Variants in AP4E1 observed in about 807,000 individuals in gnomAD.
AP4E1 encodes adaptor related protein complex 4 subunit epsilon 1.
A neutral mutation model predicts 128.2 loss-of-function variants in AP4E1; 56 were observed. That is an observed-to-expected ratio of 0.44 (90% CI 0.35 to 0.55). The LOEUF is 0.55. Ranked by LOEUF, AP4E1 falls within the 20% of genes least tolerant of loss-of-function variation. The pLI is 0.00. For synonymous variants in AP4E1, 484 were observed against 473.1 expected (o/e 1.02, Z -0.30); for missense variants, 1,324 against 1,307.7 (o/e 1.01, Z -0.19).
At chr15:50,984,958 C>T (rs1362421853) in intron 16 of AP4E1, among the ~76,000 whole-genome samples, 4 of 152,152 alleles carry the variant, frequency 2.6e-5, no homozygotes, top group Admixed American at 6.5e-5. Context: ...TCCACATCCT[C>T]TCCAGCACCT....
intron 16 of AP4E1, 113 bp from the exon 17 acceptor site, chr15:50,993,257 T>G: frequency 1.8e-6 from 2 of 1,094,656 alleles, no homozygotes; most frequent in South Asian, 2.8e-5. Flanking sequence ...GAATATAATG[T>G]GACAGTTGTT....
At chr15:50,912,671 T>G (rs1024295550) in intron 2 of AP4E1, among the ~76,000 whole-genome samples, 13 of 130,170 alleles carry the variant, frequency 1.0e-4, no homozygotes, top group African/African-American at 3.7e-4. Context: ...TTTTTTTTTT[T>G]TTTTGAGACG....
In AP4E1 at chr15:50,997,352, C is replaced by A. The variant is rs1322337659; in HGVS notation, c.2373C>A (p.His791Gln). 1.2e-6 allele frequency: 2 copies of A among 1,601,568 alleles called. No homozygotes were observed. The highest frequency in any genetic ancestry group is 2.3e-5 in the South Asian group (2 of 87,666). The stretch of plus-strand genomic sequence containing the variant: ...TGGGAAAAGCAGATACTGTCTCTCA[C>A]AAGTTCAGAAGGAAATCAAAAGTCA... ...NLLGKADTVS[H>Q]KFRRKSKVKE... is the part of the protein sequence containing the mutation. Residue 791 changes from histidine (H) to glutamine (Q), a missense_variant, in exon 18 of 21, where the codon CAC (histidine) becomes CAA (glutamine). Coordinates refer to ENST00000261842, the MANE Select transcript of AP4E1 (RefSeq NM_007347.5).
At chr15:50,924,069 G>A (rs1161704455) in intron 4 of AP4E1, 65 bp downstream of exon 4, 37 of 1,333,804 alleles carry the variant, frequency 2.8e-5, no homozygotes, top group Middle Eastern at 1.8e-4. Context: ...ATTTCTCCTC[G>A]ATCATATTCA....
rs1394193050 is a variant in AP4E1, at chr15:50,985,135, A to G, written c.2090+990A>G. Among the ~76,000 whole-genome samples the G allele has an allele frequency of 3.3e-5, 5 of 151,884 alleles. No individual in the cohort carries two copies. The South Asian group carries it at 1.0e-3, about 32-fold the overall frequency. ...TGAGAAGTGTCTGTTCATATCCTTC[A>G]CCCACTTTTTGATGGGGTTGTTTGT... On this transcript the variant is annotated intron_variant, in intron 16 of 20. Coordinates refer to ENST00000261842, the MANE Select transcript of AP4E1 (RefSeq NM_007347.5).
At chr15:50,911,745 T>C (rs560218998) in intron 1 of AP4E1, among the ~76,000 whole-genome samples, 1 of 152,286 alleles carries the variant, frequency 6.6e-6, no homozygotes, top group African/African-American at 2.4e-5. Context: ...CCCAAAGTGC[T>C]GGGATTACAG....
At position 51,002,678 on chromosome 15, in the gene AP4E1, A is replaced by G; in HGVS notation, c.*16A>G. On this transcript the variant is annotated 3_prime_UTR_variant, in exon 21 of 21. Coordinates refer to ENST00000261842, the MANE Select transcript of AP4E1 (RefSeq NM_007347.5). ...GGGATCCTAGCAGAAGCCCTGCTAA[A>G]TTTTACTCCATCAAGATCAATGGTT... 6.2e-7 allele frequency: 1 copy of G among 1,613,774 alleles called. No homozygotes were observed.
chr15:50,979,547 C>A (rs540063988), intron 15 of AP4E1, among the ~76,000 whole-genome samples: 1 of 151,954 alleles, frequency 6.6e-6, no homozygotes, highest in African/African-American at 2.4e-5. Context: ...TTTTTTGAGG[C>A]GGAGTTTCAC....
At chr15:50,962,756 T>A (rs1362220186) in intron 14 of AP4E1, among the ~76,000 whole-genome samples, 1 of 151,742 alleles carries the variant, frequency 6.6e-6, no homozygotes, top group Non-Finnish European at 1.5e-5. Flanking sequence ...CAAATGGGAC[T>A]GTATTAAGGT....
At chr15:50,965,172 C>T (rs2140889003) in intron 14 of AP4E1, among the ~76,000 whole-genome samples, 1 of 152,142 alleles carries the variant, frequency 6.6e-6, no homozygotes. Context: ...TTATAAATTA[C>T]CCAGTCTCAA....
At chr15:50,915,670 A>C in intron 3 of AP4E1, 99 bp downstream of exon 3, 1 of 1,358,142 alleles carries the variant, frequency 7.4e-7, no homozygotes, top group Non-Finnish European at 1.0e-6. Flanking sequence ...ATGTTTTTAG[A>C]ATACTGTATT....
At chr15:51,002,310 T>C (rs2064973659) in intron 20 of AP4E1, among the ~76,000 whole-genome samples, 192 bp from the exon 21 acceptor site, 1 of 152,222 alleles carries the variant, frequency 6.6e-6, no homozygotes, top group Admixed American at 6.5e-5. Flanking sequence ...ATCTGTTTTT[T>C]TCTTTAATAT....
intron 11 of AP4E1, 87 bp downstream of exon 11, chr15:50,948,246 G>A: frequency 6.7e-7 from 1 of 1,500,222 alleles, no homozygotes; most frequent in Non-Finnish European, 9.2e-7. Flanking sequence ...TCACTTGCAA[G>A]TCGAGTTCAG....
At chr15:50,933,154 C>G (rs1252918503) in intron 7 of AP4E1, among the ~76,000 whole-genome samples, 1 of 152,134 alleles carries the variant, frequency 6.6e-6, no homozygotes, top group Non-Finnish European at 1.5e-5. Context: ...CTTCACAGCA[C>G]TCAGGTGACC....
Position 50,929,038 on chromosome 15 carries a change from C to T in AP4E1, c.572C>T (p.Ala191Val). ...ATTGTACGAAGAAAAGCTGTTCTGG[C>T]ATTATACAAATTCCATCTCATTGCT... is the stretch of plus-strand genomic sequence containing the variant. Reference protein sequence around the residue: ...KEIVRRKAVLALYKFHLIAPN... With the variant: ...KEIVRRKAVLVLYKFHLIAPN... Residue 191 changes from alanine (A) to valine (V), a missense_variant, in exon 6 of 21, where the codon GCA becomes GTA. Physicochemically the swap from Ala to Val is moderately conservative, Grantham distance 64 (BLOSUM62 0). Transcript: ENST00000261842. The T allele has an allele frequency of 6.2e-7, 1 of 1,613,762 alleles. No individual in the cohort carries two copies. Among genetic ancestry groups the T allele is most frequent in the Non-Finnish European group, 8.5e-7 (1 of 1,179,854 alleles).
intron 10 of AP4E1, 53 bp downstream of exon 10, chr15:50,941,828 T>C (rs1434438146): frequency 7.3e-7 from 1 of 1,375,150 alleles, no homozygotes; most frequent in East Asian, 2.4e-5. Context: ...TTTAAAAATT[T>C]TGTTGGCATT....
intron 3 of AP4E1, among the ~76,000 whole-genome samples, chr15:50,919,148 T>A (rs2063663819): frequency 6.6e-6 from 1 of 152,036 alleles, no homozygotes; most frequent in African/African-American, 2.4e-5. Flanking sequence ...GAGAATCGCT[T>A]GAACCTGGGA....
chr15:50,942,684 T>TTA (rs1431693679), intron 10 of AP4E1, among the ~76,000 whole-genome samples: 1 of 148,220 alleles, frequency 6.7e-6, no homozygotes, highest in Non-Finnish European at 1.5e-5. Flanking sequence ...ATATATATAA[T>TTA]TATATATATT....
rs145236100 is a variant in AP4E1 at position 50,988,439 on chromosome 15, C to T, written c.2090+4294C>T. On this transcript the variant is annotated intron_variant, in intron 16 of 20. Transcript: ENST00000261842. Reference sequence around the variant, plus strand: ...AGGCAATTCTCCTGCCTCAGCCTTCCGAGTAGCTGGGATTACAGGCTCCTG... The same window carrying T: ...AGGCAATTCTCCTGCCTCAGCCTTCTGAGTAGCTGGGATTACAGGCTCCTG... Among the ~76,000 whole-genome samples the T allele has an allele frequency of 2.2e-3, 338 of 152,148 alleles. 2 individuals carry two copies. The highest frequency in any genetic ancestry group is 7.9e-3 in the African/African-American group (326 of 41,514).
Sources: gnomAD v4.1 joint callset for allele counts (sites outside exome capture counted in the v4.1 genomes callset) on GRCh38, gnomAD v4.1.1 for gene constraint, MANE v1.5 for transcripts, NCBI Gene and HGNC (gene_info 2026-07-23, HGNC 2026-07-21) for gene names.